GRM4: variants seen among roughly 807,000 people sequenced by gnomAD.
GRM4 encodes the protein metabotropic glutamate receptor 4.
Under a neutral mutation model 81.7 loss-of-function variants are expected in GRM4, and 28 were observed. That is an observed-to-expected ratio of 0.34 (90% CI 0.25 to 0.47). GRM4 has a LOEUF of 0.47. Ranked by LOEUF, GRM4 falls within the 20% of genes least tolerant of loss-of-function variation. The pLI is 1.00. For synonymous variants in GRM4, 488 were observed against 528.8 expected, an observed-to-expected ratio of 0.92 and a Z score of 1.06; for missense variants, 948 against 1,290.0, an observed-to-expected ratio of 0.73 and a Z score of 4.06.
intron 5 of GRM4, among the ~76,000 whole-genome samples, chr6:34,058,483 C>A (rs1367079404): frequency 6.6e-6 from 1 of 152,130 alleles, no homozygotes; most frequent in Non-Finnish European, 1.5e-5. Flanking sequence ...CAGGTCCCTG[C>A]CAAATCAGGC....
At position 34,136,170 on chromosome 6, in the gene GRM4, A is replaced by G. The variant is rs1478418410; in HGVS notation, c.-363-2311T>C. 6.6e-6 allele frequency among the ~76,000 whole-genome samples: 1 copy of G among 152,194 alleles called. No homozygotes were observed. Among genetic ancestry groups the G allele is most frequent in the Non-Finnish European group, 1.5e-5 (1 of 68,034 alleles). ...CTCATGTAATCCCCACATCCCTATG[A>G]GCTTCATGGTATTTTTATCCCTATC... On this transcript the variant is annotated intron_variant, in intron 1 of 10. Transcript: ENST00000538487. This position sits in a 1 kb window ranked among gnomAD's most constrained non-coding sequence, Gnocchi z 4.1.
intron 6 of GRM4, among the ~76,000 whole-genome samples, chr6:34,046,079 C>T (rs1385486771): frequency 1.3e-5 from 2 of 152,318 alleles, no homozygotes; most frequent in African/African-American, 2.4e-5. Context: ...CGTCTCCCCC[C>T]TCACTTCTCC....
Position 34,090,905 on chromosome 6 carries a change from C to T in GRM4, c.736+978G>A, listed in dbSNP as rs117490713. Among the ~76,000 whole-genome samples the T allele has an allele frequency of 4.9e-4, 74 of 152,234 alleles. No individual in the cohort carries two copies. In the East Asian group the frequency reaches 8.1e-3, roughly 17 times the overall value. ...TGGGAGAGACCAGGGGCAGGGCAGACGGGCCCTCTCTGCAGGAGGTGGGTC... is the reference window on the plus strand; with the variant it reads ...TGGGAGAGACCAGGGGCAGGGCAGATGGGCCCTCTCTGCAGGAGGTGGGTC... On this transcript the variant is annotated intron_variant, in intron 3 of 10. Coordinates refer to ENST00000538487, the MANE Select transcript of GRM4 (RefSeq NM_000841.4). The surrounding 1 kb of genome is among the most constrained non-coding windows in gnomAD (Gnocchi z 5.2).
chr6:34,131,075 C>T (rs1300101229), intron 2 of GRM4, among the ~76,000 whole-genome samples: 1 of 152,214 alleles, frequency 6.6e-6, no homozygotes, highest in Non-Finnish European at 1.5e-5. Context: ...ATCACTAGGC[C>T]CTGGCCTGGG....
chr6:34,055,434 C>G (rs567829151), intron 6 of GRM4: 2 of 152,312 alleles, frequency 1.3e-5, no homozygotes, highest in African/African-American at 4.8e-5. Context: ...CACCAGAGGG[C>G]AGCATGCTCC....
Position 34,059,420 on chromosome 6 carries a change from T to C in GRM4, c.873-292A>G. The C allele has an allele frequency of 2.6e-6, 1 of 386,230 alleles. No homozygotes were observed. The highest frequency in any genetic ancestry group is 3.8e-5 in the South Asian group (1 of 26,664). The allele number at this position is 386,230 out of a possible 1,614,324, so 23.9% of individuals were successfully genotyped here. A position where few individuals can be genotyped will look rare whatever the true frequency, so the allele number is the denominator to read the frequency against. On this transcript the variant is annotated intron_variant, in intron 4 of 10. Transcript: ENST00000538487. The surrounding 1 kb of genome is among the most constrained non-coding windows in gnomAD (Gnocchi z 5.7). The stretch of plus-strand genomic sequence containing the variant: ...CATCTGTCCCTGCAAAGACCACACC[T>C]CTCCCCTCCAGATCCACACCCGCCC...
intron 2 of GRM4, among the ~76,000 whole-genome samples, chr6:34,129,427 A>G (rs1024846133): frequency 6.6e-6 from 1 of 152,226 alleles, no homozygotes; most frequent in African/African-American, 2.4e-5. Context: ...TTTCTCCACA[A>G]CCTGGGCTGG....
chr6:34,144,201 C>G (rs955021960), intron 1 of GRM4, among the ~76,000 whole-genome samples: 1 of 152,226 alleles, frequency 6.6e-6, no homozygotes, highest in African/African-American at 2.4e-5. Context: ...TGCTGCTGCC[C>G]CATCTCAGCA....
At chr6:34,045,670 T>C (rs1417395018) in intron 6 of GRM4, among the ~76,000 whole-genome samples, 1 of 152,196 alleles carries the variant, frequency 6.6e-6, no homozygotes, top group Non-Finnish European at 1.5e-5. Context: ...AAGGACTCCC[T>C]GTCTGCAGGT....
At chr6:34,143,412 G>C (rs375455428) in intron 1 of GRM4, among the ~76,000 whole-genome samples, 17 of 152,282 alleles carry the variant, frequency 1.1e-4, no homozygotes, top group African/African-American at 3.4e-4. Flanking sequence ...GGCCCATTTC[G>C]AGAGCCGGTT....
In GRM4 at chr6:34,035,515, TGAAAGAAGGCAGAATGAGGCAA is replaced by T. The variant is rs1334581219; in HGVS notation, c.2442+131_2442+152del. 2.7e-5 allele frequency among the ~76,000 whole-genome samples: 4 copies of T among 147,748 alleles called. No homozygotes were observed. Among genetic ancestry groups the T allele is most frequent in the African/African-American group, 5.0e-5 (2 of 40,270 alleles). On this transcript the variant is annotated intron_variant, in intron 9 of 10. Transcript: ENST00000538487. The surrounding 1 kb of genome is among the most constrained non-coding windows in gnomAD (Gnocchi z 6.6). The stretch of plus-strand genomic sequence containing the variant: ...CTGGGAGAGAAGGCAGAATGAGGCA[TGAAAGAAGGCAGAATGAGGCAA>T]GAAAGAAGGCAGAATGAGGCATGAA...
intron 2 of GRM4, among the ~76,000 whole-genome samples, chr6:34,110,010 G>T (rs1769300452): frequency 6.6e-6 from 1 of 152,138 alleles, no homozygotes; most frequent in African/African-American, 2.4e-5. Flanking sequence ...GGGGACACAG[G>T]TCACATGTTC....
chr6:34,087,795 CCCCT>C, intron 3 of GRM4, among the ~76,000 whole-genome samples: 1 of 139,722 alleles, frequency 7.2e-6, no homozygotes, highest in African/African-American at 2.7e-5. Context: ...CAGACATGCA[CCCCT>C]ACACACACAC....
intron 2 of GRM4, among the ~76,000 whole-genome samples, chr6:34,120,637 C>T (rs1337313933): frequency 6.6e-6 from 1 of 152,202 alleles, no homozygotes; most frequent in African/African-American, 2.4e-5. Flanking sequence ...ACACCTTTGT[C>T]AGGTCCCCAG....
intron 9 of GRM4, among the ~76,000 whole-genome samples, chr6:34,029,791 G>A (rs1055941576): frequency 6.6e-6 from 1 of 152,216 alleles, no homozygotes; most frequent in Non-Finnish European, 1.5e-5. Context: ...GGACACGGGG[G>A]CATGACCGGA....
intron 2 of GRM4, among the ~76,000 whole-genome samples, chr6:34,117,697 C>G (rs1187352441): frequency 2.0e-5 from 3 of 152,186 alleles, no homozygotes. Context: ...CTGCCACATC[C>G]ACCTCCTCAC....
At position 34,036,016 on chromosome 6, in the gene GRM4, T is replaced by G; in HGVS notation, c.2094A>C (p.Ser698=). ...VSAPRFISPA[S]QLAITFSLIS... ...TGAGGCTGAAGGTGATGGCCAGCTGTGAGGCGGGGCTGATGAAGCGTGGGG... is the reference window on the plus strand; with the variant it reads ...TGAGGCTGAAGGTGATGGCCAGCTGGGAGGCGGGGCTGATGAAGCGTGGGG... The change falls in exon 9 of 11, where the codon TCA becomes TCC. Residue 698 remains serine (S), a synonymous_variant. Coordinates refer to ENST00000538487, the MANE Select transcript of GRM4 (RefSeq NM_000841.4). This position sits in a 1 kb window ranked among gnomAD's most constrained non-coding sequence, Gnocchi z 9.0. The G allele has an allele frequency of 6.2e-7, 1 of 1,613,942 alleles. No individual in the cohort carries two copies. Among genetic ancestry groups the G allele is most frequent in the Non-Finnish European group, 8.5e-7 (1 of 1,179,926 alleles).
At chr6:34,056,434 A>ACGGCCGGC (rs915990365) in intron 6 of GRM4, 110 bp downstream of exon 6, 2 of 903,970 alleles carry the variant, frequency 2.2e-6, no homozygotes, top group African/African-American at 1.7e-5. Context: ...ACGTCCTGCC[A>ACGGCCGGC]CGGCCGGCCG....
At position 34,076,456 on chromosome 6, in the gene GRM4, G is replaced by A. The variant is rs892025638; in HGVS notation, c.737-14428C>T. Among the ~76,000 whole-genome samples, 11 of 151,588 alleles carry A rather than the reference G, an allele frequency of 7.3e-5. No individual in the cohort carries two copies. The East Asian group carries it at 2.1e-3, about 30-fold the overall frequency. Reference sequence around the variant, plus strand: ...AGCAAGAAATACAGAAAACCGGGGGGCTGGGTCAAGCCCCAGCACTGGATA... The same window carrying A: ...AGCAAGAAATACAGAAAACCGGGGGACTGGGTCAAGCCCCAGCACTGGATA... On this transcript the variant is annotated intron_variant, in intron 3 of 10. Transcript: ENST00000538487.
Sources: allele counts gnomAD v4.1 joint callset (sites outside exome capture counted in the v4.1 genomes callset), GRCh38; gene constraint gnomAD v4.1.1; non-coding constraint Gnocchi (gnomAD v3.1); transcripts MANE v1.5; gene names NCBI Gene and HGNC (gene_info 2026-07-23, HGNC 2026-07-21).